Variants in EFCAB8 observed in about 807,000 individuals in gnomAD.
EFCAB8 encodes the protein EF-hand calcium-binding domain-containing protein 8.
In EFCAB8, 100 loss-of-function variants were observed where a neutral mutation model predicts 116.3. The ratio of observed to expected loss-of-function variants is 0.86; its 90% CI spans 0.73 to 1.02. The LOEUF (loss-of-function observed/expected upper bound fraction) is 1.02. Among genes scored for constraint, EFCAB8 ranks in the 50% least tolerant of loss-of-function variants. The pLI is 0.00. For missense variants in EFCAB8, 1,320 were observed against 1,416.9 expected (o/e 0.93, Z 1.10); for synonymous variants, 558 against 567.9 (o/e 0.98, Z 0.25).
Position 32,961,416 on chromosome 20 carries a change from T to A in EFCAB8, c.3674T>A (p.Phe1225Tyr), listed in dbSNP as rs1989147556. The change falls in exon 27 of 27, where the codon TTC (phenylalanine) becomes TAC (tyrosine). Residue 1225 changes from phenylalanine (F) to tyrosine (Y), a missense_variant. Physicochemically the swap from Phe to Tyr is conservative, Grantham distance 22. Transcript: ENST00000400522. ...SSLPTFLTPQ[F>Y]SFLLRPQSAS... is the part of the protein sequence containing the mutation. The stretch of plus-strand genomic sequence containing the variant: ...TTGCCCACCTTCCTGACGCCCCAGT[T>A]CTCCTTCTTGCTGCGGCCCCAGTCA... 6.9e-7 allele frequency: 1 copy of A among 1,457,448 alleles called. No individual in the cohort carries two copies. The allele number at this position is 1,457,448 out of a possible 1,614,324, so 90.3% of individuals were successfully genotyped here. A position where few individuals can be genotyped will look rare whatever the true frequency, so the allele number is the denominator to read the frequency against.
chr20:32,906,818 A>G, intron 12 of EFCAB8, 25 bp from the exon 13 acceptor site: 1 of 1,190,330 alleles, frequency 8.4e-7, no homozygotes, highest in Non-Finnish European at 1.2e-6. Flanking sequence ...GGCCCCTGGG[A>G]CTGACACCCA....
At chr20:32,891,547 A>G (rs147538702) in intron 7 of EFCAB8, among the ~76,000 whole-genome samples, 266 of 152,294 alleles carry the variant, frequency 1.7e-3, no homozygotes, top group South Asian at 0.014. Context: ...TAATTATGTC[A>G]TCACTGCTGT....
At chr20:32,906,655 AG>A (rs1325808441) in intron 12 of EFCAB8, 26 bp downstream of exon 12, 2 of 717,844 alleles carry the variant, frequency 2.8e-6, no homozygotes, top group South Asian at 3.0e-5. Context: ...GTCACCCAGA[AG>A]CTGCTGGGGG....
In EFCAB8 at chr20:32,902,828, C is replaced by T. The variant is rs79396789; in HGVS notation, c.1089-3734C>T. 9.5e-3 allele frequency among the ~76,000 whole-genome samples: 1,445 copies of T among 152,324 alleles called. 18 individuals carry two copies. Among genetic ancestry groups the T allele is most frequent in the African/African-American group, 0.031 (1,298 of 41,566 alleles). On this transcript the variant is annotated intron_variant, in intron 11 of 26. Coordinates refer to ENST00000400522, the MANE Select transcript of EFCAB8 (RefSeq NM_001143967.2). ...GAGGGTCTGGCTTCCTTGCAGCCAG[C>T]CTCACCTGAGTTCTCAGATGGTTCG...
At chr20:32,884,315 G>T (rs1347769630) in intron 5 of EFCAB8, among the ~76,000 whole-genome samples, 1 of 152,184 alleles carries the variant, frequency 6.6e-6, no homozygotes, top group African/African-American at 2.4e-5. Flanking sequence ...TGCAGGTGCT[G>T]TCATCATGCA....
At chr20:32,892,703 C>T (rs1018710893) in intron 8 of EFCAB8, among the ~76,000 whole-genome samples, 3 of 152,146 alleles carry the variant, frequency 2.0e-5, no homozygotes, top group Non-Finnish European at 4.4e-5. Context: ...ACCTGGTCTC[C>T]TGGGCCCGTG....
chr20:32,902,500 A>T (rs1243525418), intron 11 of EFCAB8, among the ~76,000 whole-genome samples: 1 of 152,190 alleles, frequency 6.6e-6, no homozygotes, highest in East Asian at 1.9e-4. Flanking sequence ...TAATCCTAGC[A>T]CTTAGGGAGG....
chr20:32,885,645 G>T lies in EFCAB8; in HGVS notation c.567+5G>T. ...TCGCTGATGAGCTCCTTTAGGGTGAGTGGGGCCCCTACACATGGTGCACAC... is the reference window on the plus strand; with the variant it reads ...TCGCTGATGAGCTCCTTTAGGGTGATTGGGGCCCCTACACATGGTGCACAC... On this transcript the variant is annotated splice_donor_5th_base_variant and intron_variant, in intron 6 of 26. Coordinates refer to ENST00000400522, the MANE Select transcript of EFCAB8 (RefSeq NM_001143967.2). 6.4e-7 allele frequency: 1 copy of T among 1,551,676 alleles called. No individual in the cohort carries two copies. Among genetic ancestry groups the T allele is most frequent in the Non-Finnish European group, 8.7e-7 (1 of 1,146,952 alleles).
chr20:32,930,575 G>C lies in EFCAB8; in HGVS notation c.2590G>C (p.Asp864His), dbSNP rs1987863734. Reference sequence around the variant, plus strand: ...GGGTGCCATGGCCACTGATAAAAATGACTGGATCCTCATCACGGGGGATTG... The same window carrying C: ...GGGTGCCATGGCCACTGATAAAAATCACTGGATCCTCATCACGGGGGATTG... ...VVGAMATDKN[D>H]WILITGDCKG... Residue 864 changes from aspartate to histidine, a missense_variant, in exon 21 of 27, where the codon GAC (aspartate) becomes CAC (histidine). Asp to His is a moderately conservative substitution (Grantham distance 81, BLOSUM62 -1). Coordinates refer to ENST00000400522, the MANE Select transcript of EFCAB8 (RefSeq NM_001143967.2). 1 of 1,552,332 alleles carries C rather than the reference G, an allele frequency of 6.4e-7. No individual in the cohort carries two copies. The highest frequency in any genetic ancestry group is 8.7e-7 in the Non-Finnish European group (1 of 1,147,134).
At chr20:32,925,731 T>G (rs1008711839) in intron 20 of EFCAB8, among the ~76,000 whole-genome samples, 18 of 152,202 alleles carry the variant, frequency 1.2e-4, no homozygotes, top group Non-Finnish European at 2.4e-4. Context: ...CAGTAGAAAA[T>G]TGCTCCAAGT....
Position 32,938,702 on chromosome 20 carries a change from GAATA to G in EFCAB8, c.2791-4930_2791-4927del, listed in dbSNP as rs995777142. Among the ~76,000 whole-genome samples, 3 of 149,334 alleles carry G rather than the reference GAATA, an allele frequency of 2.0e-5. 1 individual carries two copies. Among genetic ancestry groups the G allele is most frequent in the Admixed American group, 2.0e-4 (3 of 15,070 alleles). ...ATAATCGCATCAAAAAAATACTTAG[GAATA>G]AATTTGGAAAAGTAGTGCAAAACTT... On this transcript the variant is annotated intron_variant, in intron 22 of 26. Transcript: ENST00000400522.
At chr20:32,892,140 A>T (rs1347360218) in intron 7 of EFCAB8, 73 bp from the exon 8 acceptor site, 2 of 1,302,984 alleles carry the variant, frequency 1.5e-6, no homozygotes, top group Non-Finnish European at 2.2e-6. Context: ...GATAGCAATG[A>T]GGCTGCTCAC....
At chr20:32,939,798 G>A (rs958339164) in intron 22 of EFCAB8, among the ~76,000 whole-genome samples, 2 of 146,700 alleles carry the variant, frequency 1.4e-5, no homozygotes, top group African/African-American at 2.6e-5. Flanking sequence ...AGATTCAAGC[G>A]ATTCTCCTGC....
chr20:32,864,069 T>C (rs1451226450), intron 2 of EFCAB8, among the ~76,000 whole-genome samples: 2 of 151,882 alleles, frequency 1.3e-5, no homozygotes, highest in African/African-American at 4.8e-5. Flanking sequence ...CTCTGCCTCC[T>C]GGGTTCAAGC....
At chr20:32,946,361 T>C (rs951484032) in intron 23 of EFCAB8, among the ~76,000 whole-genome samples, 1 of 152,258 alleles carries the variant, frequency 6.6e-6, no homozygotes, top group African/African-American at 2.4e-5. Context: ...AAGTGAGCAC[T>C]ATGAATTTTC....
intron 6 of EFCAB8, 98 bp from the exon 7 acceptor site, chr20:32,889,203 G>A: frequency 2.0e-6 from 2 of 1,010,334 alleles, no homozygotes; most frequent in Non-Finnish European, 3.0e-6. Context: ...CCAGGTCTGT[G>A]GTGGCTCCAG....
intron 2 of EFCAB8, among the ~76,000 whole-genome samples, chr20:32,864,555 TGG>T (rs923760488): frequency 4.6e-5 from 7 of 152,132 alleles, no homozygotes; most frequent in Admixed American, 1.3e-4. Context: ...GCACTTATCC[TGG>T]GCAACAGAGC....
In EFCAB8 at chr20:32,917,367, G is replaced by A; in HGVS notation, c.1923G>A (p.Leu641=). Reference sequence around the variant, plus strand: ...AGACCTACCACACGGAGGACATCCTGAGCATGGCCAAGTACCGGAACCAGT... The same window carrying A: ...AGACCTACCACACGGAGGACATCCTAAGCATGGCCAAGTACCGGAACCAGT... ...HWQTYHTEDI[L]SMAKYRNQFL... The change falls in exon 18 of 27, where the codon CTG becomes CTA. Residue 641 remains leucine (L), a synonymous_variant. Coordinates refer to ENST00000400522, the MANE Select transcript of EFCAB8 (RefSeq NM_001143967.2). 6.4e-7 allele frequency: 1 copy of A among 1,551,762 alleles called. No homozygotes were observed. Among genetic ancestry groups the A allele is most frequent in the Non-Finnish European group, 8.7e-7 (1 of 1,146,988 alleles).
At chr20:32,888,436 C>G (rs1214450880) in intron 6 of EFCAB8, among the ~76,000 whole-genome samples, 1 of 152,202 alleles carries the variant, frequency 6.6e-6, no homozygotes, top group Non-Finnish European at 1.5e-5. Flanking sequence ...ATTGGCCAGG[C>G]TGGTCTCGAA....
Sources: gnomAD v4.1 joint callset for allele counts (sites outside exome capture counted in the v4.1 genomes callset) on GRCh38, gnomAD v4.1.1 for gene constraint, MANE v1.5 for transcripts, NCBI Gene and HGNC (gene_info 2026-07-23, HGNC 2026-07-21) for gene names.